The following DLC1 variants were observed in gnomAD, a reference collection of about 807,000 sequenced individuals.
DLC1 encodes DLC1 Rho GTPase activating protein.
A neutral mutation model predicts 140.3 loss-of-function variants in DLC1; 54 were observed. The observed-to-expected ratio is 0.38, with a 90% CI of 0.31 to 0.48. The LOEUF is 0.48. DLC1 is among the 20% of genes least tolerant of loss of function. The pLI, the probability that DLC1 is intolerant of heterozygous loss-of-function variation, is 0.96. For missense variants in DLC1, 2,536 were observed against 1,907.0 expected (o/e 1.33, Z -6.14); for synonymous variants, 986 against 728.1 (o/e 1.35, Z -5.70).
chr8:13,297,504 C>A (rs906934189), intron 5 of DLC1, among the ~76,000 whole-genome samples: 2 of 151,890 alleles, frequency 1.3e-5, no homozygotes, highest in Non-Finnish European at 2.9e-5. Flanking sequence ...TAAGACTCTA[C>A]ATTTGGCTTT....
chr8:13,194,916 G>T (rs560772579), intron 5 of DLC1, among the ~76,000 whole-genome samples: 2 of 152,214 alleles, frequency 1.3e-5, no homozygotes, highest in East Asian at 3.9e-4. Context: ...AGGCTGAGGC[G>T]GGAGGATGGA....
In DLC1 at chr8:13,141,164, A is replaced by G. The variant is rs112518745; in HGVS notation, c.1349-25507T>C. On this transcript the variant is annotated intron_variant, in intron 5 of 17. Coordinates refer to ENST00000276297, the MANE Select transcript of DLC1 (RefSeq NM_182643.3). ...CAGCTACTCGGGAAGCTGAGGCAGG[A>G]GAATCACTTGAATCTGGGAGGTGGA... Among the ~76,000 whole-genome samples, 270 of 149,536 alleles carry G rather than the reference A, an allele frequency of 1.8e-3. 1 individual carries two copies. Among genetic ancestry groups the G allele is most frequent in the African/African-American group, 6.4e-3 (259 of 40,634 alleles).
At chr8:13,298,666 C>A (rs1165992850) in intron 5 of DLC1, among the ~76,000 whole-genome samples, 1 of 152,050 alleles carries the variant, frequency 6.6e-6, no homozygotes, top group Non-Finnish European at 1.5e-5. Flanking sequence ...ATTAGTTCTG[C>A]CTGGGAAATA....
At chr8:13,135,827 C>T (rs1377118645) in intron 5 of DLC1, among the ~76,000 whole-genome samples, 1 of 152,178 alleles carries the variant, frequency 6.6e-6, no homozygotes, top group Non-Finnish European at 1.5e-5. Flanking sequence ...TTCCTCTCTC[C>T]TTGATTATGG....
chr8:13,221,206 G>C (rs541753102), intron 5 of DLC1, among the ~76,000 whole-genome samples: 4 of 152,144 alleles, frequency 2.6e-5, no homozygotes, highest in African/African-American at 9.6e-5. Context: ...TTCTTTCCAT[G>C]GGGGATGTTA....
chr8:13,231,923 G>C (rs905370153), intron 5 of DLC1, among the ~76,000 whole-genome samples: 2 of 152,092 alleles, frequency 1.3e-5, no homozygotes, highest in Non-Finnish European at 2.9e-5. Flanking sequence ...CCAGCTGTTG[G>C]GGTCGCCAGA....
At chr8:13,319,817 C>CTATTTT in intron 4 of DLC1, among the ~76,000 whole-genome samples, 1 of 17,072 alleles carries the variant, frequency 5.9e-5, no homozygotes, top group East Asian at 4.2e-3. Flanking sequence ...AATTCTCTCT[C>CTATTTT]TCTCTTTTTT....
At chr8:13,445,375 C>G (rs1394204503) in intron 2 of DLC1, among the ~76,000 whole-genome samples, 2 of 152,096 alleles carry the variant, frequency 1.3e-5, no homozygotes, top group Non-Finnish European at 2.9e-5. Context: ...CACTAACAAA[C>G]AGAAGTCTGT....
At chr8:13,504,393 G>A (rs1801958876) in intron 1 of DLC1, among the ~76,000 whole-genome samples, 1 of 152,130 alleles carries the variant, frequency 6.6e-6, no homozygotes, top group African/African-American at 2.4e-5. Flanking sequence ...CCAAACTGTT[G>A]GGATCACAGG....
At chr8:13,485,516 A>G (rs1483297813) in intron 2 of DLC1, among the ~76,000 whole-genome samples, 1 of 152,168 alleles carries the variant, frequency 6.6e-6, no homozygotes, top group Non-Finnish European at 1.5e-5. Context: ...ATGTTTTTAA[A>G]AGGGAATACT....
At chr8:13,386,659 A>T (rs1836531180) in intron 4 of DLC1, among the ~76,000 whole-genome samples, 1 of 152,122 alleles carries the variant, frequency 6.6e-6, no homozygotes. Flanking sequence ...TGTTTTTCAA[A>T]GTCCAAAATT....
chr8:13,153,818 T>C (rs1410087892), intron 5 of DLC1, among the ~76,000 whole-genome samples: 1 of 152,122 alleles, frequency 6.6e-6, no homozygotes, highest in African/African-American at 2.4e-5. Flanking sequence ...CACAGAGTGC[T>C]GATTGGTGTG....
chr8:13,276,387 T>C (rs759851763), intron 5 of DLC1: 2 of 1,503,814 alleles, frequency 1.3e-6, no homozygotes, highest in South Asian at 2.5e-5. Flanking sequence ...CACGTGGGCC[T>C]TGGGGTCCCC....
intron 15 of DLC1, 61 bp from the exon 16 acceptor site, chr8:13,088,765 C>T (rs1020371334): frequency 9.3e-6 from 14 of 1,501,414 alleles, no homozygotes; most frequent in South Asian, 2.4e-5. Context: ...TTTTTGAAGT[C>T]GAATTGTTAG....
At chr8:13,098,706 C>T in intron 9 of DLC1, 131 bp from the exon 10 acceptor site, 1 of 975,214 alleles carries the variant, frequency 1.0e-6, no homozygotes, top group East Asian at 2.7e-5. Context: ...GCCTTGAACT[C>T]CTCAGCTCAA....
At chr8:13,579,863 A>G (rs36117009) in intron 1 of DLC1, among the ~76,000 whole-genome samples, 1 of 151,336 alleles carries the variant, frequency 6.6e-6, no homozygotes, top group South Asian at 2.1e-4. Context: ...CCCATATATT[A>G]CATGTTGTAT....
intron 4 of DLC1, among the ~76,000 whole-genome samples, chr8:13,359,981 C>A (rs902328421): frequency 6.6e-6 from 1 of 152,204 alleles, no homozygotes; most frequent in African/African-American, 2.4e-5. Flanking sequence ...TAAAGAGCTA[C>A]TCCATCGACA....
chr8:13,185,116 C>A (rs1826277447), intron 5 of DLC1, among the ~76,000 whole-genome samples: 3 of 145,646 alleles, frequency 2.1e-5, no homozygotes, highest in South Asian at 2.2e-4. Context: ...AGGATTGCAA[C>A]CCCTGCTTTT....
chr8:13,246,986 T>C (rs1829792602), intron 5 of DLC1, among the ~76,000 whole-genome samples: 1 of 152,036 alleles, frequency 6.6e-6, no homozygotes, highest in Non-Finnish European at 1.5e-5. Context: ...AGACTGAGTG[T>C]CTCTCTTAAA....
Sources: allele counts gnomAD v4.1 joint callset (sites outside exome capture counted in the v4.1 genomes callset), GRCh38; gene constraint gnomAD v4.1.1; transcripts MANE v1.5; gene names NCBI Gene and HGNC (gene_info 2026-07-23, HGNC 2026-07-21).